CEP83: variants seen among roughly 807,000 people sequenced by gnomAD.
The protein encoded by CEP83 is centrosomal protein 83.
In CEP83, 70 loss-of-function variants were observed where a neutral mutation model predicts 101.9. The ratio of observed to expected loss-of-function variants is 0.69; its 90% confidence interval spans 0.57 to 0.84. CEP83 has a LOEUF of 0.84. Ranked by LOEUF, CEP83 falls within the 40% of genes least tolerant of loss-of-function variation. CEP83 has a pLI of 0.00. For missense variants in CEP83, 715 were observed against 787.2 expected, an observed-to-expected ratio of 0.91 and a Z score of 1.10; for synonymous variants, 264 against 267.9, an observed-to-expected ratio of 0.99 and a Z score of 0.14.
rs571288403 is a variant in CEP83, at chr12:94,368,025, T to C, written c.1193+32A>G. On this transcript the variant is annotated intron_variant, in intron 10 of 16. Coordinates refer to ENST00000397809, the MANE Select transcript of CEP83 (RefSeq NM_016122.3). ...CAAAATGTTTTCATTTGCAAGGATA[T>C]TTAAGTCAAACTAAGGTAATTAAGT... The C allele has an allele frequency of 8.7e-6, 14 of 1,606,882 alleles. No individual in the cohort carries two copies. The South Asian group carries it at 8.9e-5, about 10-fold the overall frequency.
chr12:94,383,220 T>G (rs567071431), intron 6 of CEP83, among the ~76,000 whole-genome samples: 1 of 152,262 alleles, frequency 6.6e-6, no homozygotes, highest in Non-Finnish European at 1.5e-5. Context: ...TTCCATGATA[T>G]AGCTTTGTAT....
intron 14 of CEP83, among the ~76,000 whole-genome samples, chr12:94,323,987 C>T (rs2058860392): frequency 6.6e-6 from 1 of 152,296 alleles, no homozygotes; most frequent in Admixed American, 6.5e-5. Flanking sequence ...TTACACTGAA[C>T]AATTTTGCAT....
rs1422979209 is a variant in CEP83 at position 94,378,958 on chromosome 12, G to A, written c.634C>T (p.Gln212Ter). ...DLTKDSKRVE[Q>*]LAREKVYLCQ... ...AAATAGACTTTTTCTCGAGCAAGTT[G>A]TTCCACTCGTTTGCTGTCTTTTGTG... The change falls in exon 7 of 17, where the codon CAA becomes TAA. Residue 212 changes from glutamine to a stop codon, truncating the protein, a stop_gained. Transcript: ENST00000397809. LOFTEE classifies it high-confidence loss of function. 2 of 1,613,974 alleles carry A rather than the reference G, an allele frequency of 1.2e-6. No homozygotes were observed.
chr12:94,287,264 C>T, the CEP83 span, among the ~76,000 whole-genome samples: 4 of 152,302 alleles, frequency 2.6e-5, no homozygotes, highest in South Asian at 2.1e-4. Flanking sequence ...TAAACCCTCC[C>T]GGTGCGCTTC....
intron 2 of CEP83, among the ~76,000 whole-genome samples, chr12:94,416,458 CA>C (rs2064271323): frequency 6.6e-6 from 1 of 151,096 alleles, no homozygotes; most frequent in African/African-American, 2.4e-5. Flanking sequence ...AAGTCTTGAA[CA>C]AAAAAGCCTA....
At position 94,331,290 on chromosome 12, in the gene CEP83, A is replaced by G. The variant is rs1303743192; in HGVS notation, c.1707+410T>C. On this transcript the variant is annotated intron_variant, in intron 14 of 16. Coordinates refer to ENST00000397809, the MANE Select transcript of CEP83 (RefSeq NM_016122.3). ...TGGGTGATGGGAGTCAGACTCTCAG[A>G]AAAAAAAAAAAAAAAAAAAAAAAAA... Among the ~76,000 whole-genome samples, 71 of 45,478 alleles carry G rather than the reference A, an allele frequency of 1.6e-3. No individual in the cohort carries two copies. In the South Asian group the frequency reaches 0.036, roughly 23 times the overall value. The allele number at this position is 45,478 out of a possible 152,430, so 29.8% of individuals were successfully genotyped here. A position where few individuals can be genotyped will look rare whatever the true frequency, so the allele number is the denominator to read the frequency against.
intron 14 of CEP83, among the ~76,000 whole-genome samples, chr12:94,318,996 C>G (rs1219678467): frequency 6.6e-6 from 1 of 152,186 alleles, no homozygotes; most frequent in African/African-American, 2.4e-5. Context: ...ACCAGCTCTT[C>G]TTTGAACATT....
At chr12:94,321,162 C>G (rs2058729306) in intron 14 of CEP83, among the ~76,000 whole-genome samples, 1 of 152,196 alleles carries the variant, frequency 6.6e-6, no homozygotes, top group Non-Finnish European at 1.5e-5. Context: ...TCTCTCTCTT[C>G]TGCTGTTAAT....
At chr12:94,424,987 G>T in intron 2 of CEP83, 3 of 1,336,616 alleles carry the variant, frequency 2.2e-6, no homozygotes, top group Non-Finnish European at 3.0e-6. Flanking sequence ...TAATGTTAGG[G>T]AACGAGTGAG....
At chr12:94,400,812 GAACAAT>G (rs1367541513) in intron 6 of CEP83, 32 bp downstream of exon 6, 1 of 1,279,726 alleles carries the variant, frequency 7.8e-7, no homozygotes, top group African/African-American at 1.5e-5. Flanking sequence ...GTGTTGACCA[GAACAAT>G]AACAAAGAAA....
At chr12:94,398,607 C>A (rs927818987) in intron 6 of CEP83, among the ~76,000 whole-genome samples, 3 of 152,084 alleles carry the variant, frequency 2.0e-5, no homozygotes. Flanking sequence ...AATATGAAAT[C>A]AGTGCACCTT....
chr12:94,396,887 C>T (rs2062933855), intron 6 of CEP83, among the ~76,000 whole-genome samples: 1 of 152,152 alleles, frequency 6.6e-6, no homozygotes, highest in Admixed American at 6.5e-5. Flanking sequence ...TGGAAGATGA[C>T]AAGATTCAGC....
At chr12:94,267,060 T>C in the CEP83 span, among the ~76,000 whole-genome samples, 2 of 152,248 alleles carry the variant, frequency 1.3e-5, no homozygotes, top group Non-Finnish European at 2.9e-5. Context: ...GCCTGTTGAC[T>C]CACCTTTCGC....
intron 11 of CEP83, among the ~76,000 whole-genome samples, chr12:94,351,387 T>C (rs1319766022): frequency 6.6e-6 from 1 of 152,200 alleles, no homozygotes; most frequent in Non-Finnish European, 1.5e-5. Context: ...TGCTACAGCA[T>C]GGCACCATTT....
chr12:94,281,390 T>C, the CEP83 span, among the ~76,000 whole-genome samples: 2 of 151,914 alleles, frequency 1.3e-5, no homozygotes, highest in Non-Finnish European at 2.9e-5. Context: ...GGGCAGAAAA[T>C]ACATAAGGGG....
At chr12:94,445,886 T>C (rs997153275) in intron 1 of CEP83, among the ~76,000 whole-genome samples, 4 of 152,216 alleles carry the variant, frequency 2.6e-5, no homozygotes, top group African/African-American at 7.2e-5. Context: ...TGTGCCAGGA[T>C]AGGCTCTAGC....
At chr12:94,265,723 C>T in the CEP83 span, among the ~76,000 whole-genome samples, 28 of 152,342 alleles carry the variant, frequency 1.8e-4, no homozygotes, top group Admixed American at 1.4e-3. Flanking sequence ...TGGTGTCATG[C>T]ACTTAATGTA....
At position 94,417,507 on chromosome 12, in the gene CEP83, G is replaced by A. The variant is rs113775912; in HGVS notation, c.-101-4916C>T. Among the ~76,000 whole-genome samples, 931 of 152,158 alleles carry A rather than the reference G, an allele frequency of 6.1e-3. 11 individuals are homozygous for A. The highest frequency in any genetic ancestry group is 7.8e-3 in the Non-Finnish European group (532 of 68,006). ...AAGTTTCGATAGAGAACCACTGGTCGGCCAGGCACAGTGGCTTACACCTGT... is the reference window on the plus strand; with the variant it reads ...AAGTTTCGATAGAGAACCACTGGTCAGCCAGGCACAGTGGCTTACACCTGT... On this transcript the variant is annotated intron_variant, in intron 2 of 16. Coordinates refer to ENST00000397809, the MANE Select transcript of CEP83 (RefSeq NM_016122.3).
intron 11 of CEP83, chr12:94,361,285 G>A (rs1366685360): frequency 6.6e-6 from 1 of 152,208 alleles, no homozygotes; most frequent in African/African-American, 2.4e-5. Flanking sequence ...AGGATCACCT[G>A]AGTCCAGAAA....
Sources: gnomAD v4.1 joint callset for allele counts (sites outside exome capture counted in the v4.1 genomes callset) on GRCh38, gnomAD v4.1.1 for gene constraint, MANE v1.5 for transcripts, NCBI Gene and HGNC (gene_info 2026-07-23, HGNC 2026-07-21) for gene names.